The following DBT variants were observed in gnomAD, a reference collection of about 807,000 sequenced individuals.
DBT encodes the protein dihydrolipoamide branched chain transacylase E2.
DBT carries 40 observed loss-of-function variants against 51.3 expected under a neutral mutation model. The ratio of observed to expected loss-of-function variants is 0.78; its 90% CI spans 0.61 to 1.02. The LOEUF is 1.02. DBT is among the 50% of genes least tolerant of loss of function. DBT has a pLI of 0.00. For synonymous variants in DBT, 181 were observed against 190.4 expected, an observed-to-expected ratio of 0.95 and a Z score of 0.41; for missense variants, 510 against 580.2, an observed-to-expected ratio of 0.88 and a Z score of 1.24.
rs114673508 is a variant in DBT at position 100,228,991 on chromosome 1, G to A, written c.433+1742C>T. ...GGCTTTCTGTATTTTAGAACTTTCT[G>A]CAATGCACCCCTCCTGCTTTTATAA... is the stretch of plus-strand genomic sequence containing the variant. On this transcript the variant is annotated intron_variant, in intron 4 of 10. Transcript: ENST00000370132. Among the ~76,000 whole-genome samples, 332 of 152,164 alleles carry A rather than the reference G, an allele frequency of 2.2e-3. 4 individuals carry two copies. The highest frequency in any genetic ancestry group is 7.8e-3 in the African/African-American group (323 of 41,494).
intron 3 of DBT, among the ~76,000 whole-genome samples, chr1:100,232,853 T>C (rs895280162): frequency 6.6e-6 from 1 of 152,226 alleles, no homozygotes; most frequent in Non-Finnish European, 1.5e-5. Flanking sequence ...AGAGCTATAT[T>C]GGAGCAGAGT....
intron 4 of DBT, among the ~76,000 whole-genome samples, chr1:100,220,455 T>A (rs1204676756): frequency 6.6e-6 from 1 of 152,192 alleles, no homozygotes; most frequent in East Asian, 1.9e-4. Flanking sequence ...AATAAAAATC[T>A]TCTACTACTG....
At chr1:100,243,978 AGGAGTTT>A (rs1352831423) in intron 1 of DBT, among the ~76,000 whole-genome samples, 1 of 150,270 alleles carries the variant, frequency 6.7e-6, no homozygotes, top group Non-Finnish European at 1.5e-5. Flanking sequence ...TACGTGATAA[AGGAGTTT>A]AAGCAGGCCG....
At chr1:100,206,338 G>C in intron 9 of DBT, 37 bp from the exon 10 acceptor site, 1 of 1,582,020 alleles carries the variant, frequency 6.3e-7, no homozygotes, top group Non-Finnish European at 8.7e-7. Flanking sequence ...AGTATTAAAA[G>C]TTAAGATTTT....
Position 100,240,878 on chromosome 1 carries a change from C to T in DBT, c.58G>A (p.Val20Ile). 6.2e-7 allele frequency: 1 copy of T among 1,613,254 alleles called. No homozygotes were observed. Among genetic ancestry groups the T allele is most frequent in the Non-Finnish European group, 8.5e-7 (1 of 1,179,504 alleles). ...WSRNAGKLIC[V>I]RYFQTCGNVH... ...TTACCACATGTTTGAAAATAGCGAA[C>T]ACAAATCTACAGATGAGAAAACAAA... Residue 20 changes from valine to isoleucine, a missense_variant, in exon 2 of 11, where the codon GTT becomes ATT. Val to Ile is a conservative substitution (Grantham distance 29). Coordinates refer to ENST00000370132, the MANE Select transcript of DBT (RefSeq NM_001918.5).
Position 100,214,844 on chromosome 1 carries a change from T to C in DBT, c.912A>G (p.Lys304=). 6.2e-7 allele frequency: 1 copy of C among 1,613,384 alleles called. No homozygotes were observed. The highest frequency in any genetic ancestry group is 2.2e-5 in the East Asian group (1 of 44,838). ...LKPIAFARGI[K]LSFMPFFLKA... is the part of the protein sequence containing the mutation. ...TTAAGAAGAAAGGCATAAAGGAGAG[T>C]TTAATTCCACGAGCAAATGCAATGG... Residue 304 remains lysine, a synonymous_variant, in exon 7 of 11, where the codon AAA becomes AAG. Transcript: ENST00000370132.
rs1312799325 is a variant in DBT at position 100,230,624 on chromosome 1, GA to G, written c.433+108del. On this transcript the variant is annotated intron_variant, in intron 4 of 10. Coordinates refer to ENST00000370132, the MANE Select transcript of DBT (RefSeq NM_001918.5). ...TTCCTCAAGAGCTAAAAATAAATAG[GA>G]ATAGAAAAAAAAAAAACAAAAAAAC... The G allele has an allele frequency of 8.7e-5, 46 of 528,172 alleles. No individual in the cohort carries two copies. In the South Asian group the frequency reaches 1.1e-3, roughly 13 times the overall value. 32.7% of individuals were successfully genotyped at this position (528,172 alleles called of 1,614,324 possible). A position where few individuals can be genotyped will look rare whatever the true frequency, so the allele number is the denominator to read the frequency against.
chr1:100,209,185 T>A (rs968505362), intron 8 of DBT, among the ~76,000 whole-genome samples: 3 of 150,062 alleles, frequency 2.0e-5, no homozygotes, highest in Admixed American at 2.0e-4. Flanking sequence ...GCAACCTCCA[T>A]CTCCCAGGTA....
At chr1:100,246,318 G>C (rs1664539052) in intron 1 of DBT, among the ~76,000 whole-genome samples, 1 of 151,996 alleles carries the variant, frequency 6.6e-6, no homozygotes, top group African/African-American at 2.4e-5. Flanking sequence ...AGAACATAAA[G>C]GGAAATGAAA....
At chr1:100,247,540 A>C (rs1557964304) in intron 1 of DBT, among the ~76,000 whole-genome samples, 1 of 151,738 alleles carries the variant, frequency 6.6e-6, no homozygotes, top group Non-Finnish European at 1.5e-5. Context: ...CTCTACTAAA[A>C]ATACAAAAAT....
chr1:100,206,620 C>G lies in DBT; in HGVS notation c.1034G>C (p.Gly345Ala). ...NITYKASHNI[G>A]IAMDTEQGLI... is the part of the protein sequence containing the mutation. The stretch of plus-strand genomic sequence containing the variant: ...ACCCTGCTCAGTATCCATTGCTATC[C>G]CAATGTTATGAGAAGCCTAAAAAAT... The change falls in exon 9 of 11, where the codon GGG (glycine) becomes GCG (alanine). Residue 345 changes from glycine to alanine, a missense_variant. Transcript: ENST00000370132. 6.2e-7 allele frequency: 1 copy of G among 1,606,738 alleles called. No homozygotes were observed. Among genetic ancestry groups the G allele is most frequent in the East Asian group, 2.2e-5 (1 of 44,812 alleles).
In DBT at chr1:100,218,717, G is replaced by A. The variant is rs769127473; in HGVS notation, c.464C>T (p.Ala155Val). ...DSEEDVVETP[A>V]VSHDEHTHQE... ...GTGTGTATGTTCATCATGAGACACT[G>A]CAGGAGTTTCAACAACATCTTCTTC... The change falls in exon 5 of 11, where the codon GCA becomes GTA. Residue 155 changes from alanine to valine, a missense_variant. Ala to Val is a moderately conservative substitution (Grantham distance 64, BLOSUM62 0). Coordinates refer to ENST00000370132, the MANE Select transcript of DBT (RefSeq NM_001918.5). The A allele has an allele frequency of 1.2e-6, 2 of 1,613,798 alleles. No individual in the cohort carries two copies. The highest frequency in any genetic ancestry group is 3.3e-5 in the Admixed American group (2 of 60,004).
chr1:100,200,540 T>C (rs753594588), intron 10 of DBT, among the ~76,000 whole-genome samples: 2 of 152,204 alleles, frequency 1.3e-5, no homozygotes, highest in Non-Finnish European at 2.9e-5. Context: ...TCTCCCAGCA[T>C]AGCGCTTGAG....
At chr1:100,215,037 CTTTT>C in intron 6 of DBT, 54 bp from the exon 7 acceptor site, 1 of 964,210 alleles carries the variant, frequency 1.0e-6, no homozygotes, top group Non-Finnish European at 1.5e-6. Context: ...TCTCTTCATC[CTTTT>C]TTTTTTTTTT....
chr1:100,194,160 T>G lies in DBT; in HGVS notation c.*2095A>C, dbSNP rs181499256. On this transcript the variant is annotated 3_prime_UTR_variant, in exon 11 of 11. Transcript: ENST00000370132. ...ACAACAACAGCATTTATTTGACCTG[T>G]TTTTTTTATTTTATTTTATTTTTTA... 6.6e-6 allele frequency: 1 copy of G among 152,008 alleles called. No homozygotes were observed. The highest frequency in any genetic ancestry group is 1.5e-5 in the Non-Finnish European group (1 of 67,948). 9.4% of individuals were successfully genotyped at this position (152,008 alleles called of 1,614,324 possible).
chr1:100,210,071 G>C (rs1375952109), intron 8 of DBT, among the ~76,000 whole-genome samples: 1 of 151,846 alleles, frequency 6.6e-6, no homozygotes, highest in Non-Finnish European at 1.5e-5. Context: ...CAGCACTTTG[G>C]GAGGCTGAGG....
Position 100,213,896 on chromosome 1 carries a change from T to C in DBT, c.939+921A>G, listed in dbSNP as rs182679057. ...GAAGCACTGCTTTTATTTTTTGCAG[T>C]CTTCAATTTGAGAAAGGTGAGAAAT... On this transcript the variant is annotated intron_variant, in intron 7 of 10. Coordinates refer to ENST00000370132, the MANE Select transcript of DBT (RefSeq NM_001918.5). 4.0e-5 allele frequency among the ~76,000 whole-genome samples: 6 copies of C among 150,680 alleles called. No homozygotes were observed. In the East Asian group the frequency reaches 1.2e-3, roughly 29 times the overall value.
At chr1:100,214,136 A>C (rs905015405) in intron 7 of DBT, among the ~76,000 whole-genome samples, 8 of 152,134 alleles carry the variant, frequency 5.3e-5, no homozygotes, top group Admixed American at 2.0e-4. Context: ...CAGGATCCTC[A>C]ATATAAGTTG....
chr1:100,244,387 T>C (rs1664415145), intron 1 of DBT, among the ~76,000 whole-genome samples: 1 of 152,184 alleles, frequency 6.6e-6, no homozygotes, highest in Admixed American at 6.5e-5. Context: ...TTTGAACTCA[T>C]ACATTATGGG....
Sources: gnomAD v4.1 joint callset for allele counts (sites outside exome capture counted in the v4.1 genomes callset) on GRCh38, gnomAD v4.1.1 for gene constraint, MANE v1.5 for transcripts, NCBI Gene and HGNC (gene_info 2026-07-23, HGNC 2026-07-21) for gene names.